OPN5: variants seen among roughly 807,000 people sequenced by gnomAD.
OPN5 encodes opsin-5.
In OPN5, 18 loss-of-function variants were observed where a neutral mutation model predicts 41.7. That is an observed-to-expected ratio of 0.43 (90% confidence interval 0.30 to 0.64). The LOEUF is 0.64. OPN5 is among the 30% of genes least tolerant of loss of function. The pLI is 0.13. For synonymous variants in OPN5, 178 were observed against 164.3 expected, an observed-to-expected ratio of 1.08 and a Z score of -0.64; for missense variants, 318 against 434.5, an observed-to-expected ratio of 0.73 and a Z score of 2.38.
chr6:47,785,855 G>C (rs1448631984), intron 1 of OPN5, among the ~76,000 whole-genome samples: 1 of 152,200 alleles, frequency 6.6e-6, no homozygotes, highest in African/African-American at 2.4e-5. Context: ...TGGTGGGAGG[G>C]ACAGTGCCCA....
chr6:47,785,025 A>G (rs919117114), intron 1 of OPN5, among the ~76,000 whole-genome samples: 20 of 152,342 alleles, frequency 1.3e-4, no homozygotes, highest in African/African-American at 4.1e-4. Context: ...TGCTTTGGGC[A>G]CTGGGTGAAA....
chr6:47,817,672 A>G (rs1762471951), intron 6 of OPN5, among the ~76,000 whole-genome samples: 1 of 152,126 alleles, frequency 6.6e-6, no homozygotes, highest in Non-Finnish European at 1.5e-5. Context: ...GATTAAGTCA[A>G]TGATTCTGTT....
intron 5 of OPN5, 52 bp downstream of exon 5, chr6:47,808,447 G>A (rs372167804): frequency 1.8e-5 from 29 of 1,602,732 alleles, no homozygotes; most frequent in African/African-American, 5.4e-5. Flanking sequence ...TTCAAAATCC[G>A]GCAGGGTTCA....
chr6:47,782,208 T>G lies in OPN5; in HGVS notation c.130+12T>G. On this transcript the variant is annotated intron_variant, in intron 1 of 6. Coordinates refer to ENST00000371211, the Ensembl canonical transcript of OPN5. ...CCTAACAATAATTGGTAAGCTTCCTTAATTCTTCTGTGCAAAGGCTGCATT... is the reference window on the plus strand; with the variant it reads ...CCTAACAATAATTGGTAAGCTTCCTGAATTCTTCTGTGCAAAGGCTGCATT... 6.2e-7 allele frequency: 1 copy of G among 1,612,084 alleles called. No homozygotes were observed. The highest frequency in any genetic ancestry group is 1.1e-5 in the South Asian group (1 of 90,994).
At chr6:47,795,388 T>C (rs775746941) in exon 4 of OPN5, 4 of 1,614,008 alleles carry the variant, frequency 2.5e-6, no homozygotes, top group East Asian at 4.5e-5. Flanking sequence ...CAGGCCTCGG[T>C]AGGGGGCCAG....
At chr6:47,805,309 G>T (rs911811275) in intron 4 of OPN5, among the ~76,000 whole-genome samples, 4 of 152,174 alleles carry the variant, frequency 2.6e-5, no homozygotes, top group East Asian at 1.9e-4. Flanking sequence ...GAGAATTTTG[G>T]CCAAGGACCG....
chr6:47,795,557 G>T, exon 4 of OPN5: 2 of 1,610,504 alleles, frequency 1.2e-6, no homozygotes, highest in South Asian at 2.2e-5. Flanking sequence ...AAATGAAACT[G>T]ACAAAGGTAA....
chr6:47,823,797 C>A lies in OPN5; in HGVS notation c.1057-186C>A, dbSNP rs78752830. On this transcript the variant is annotated intron_variant, in intron 6 of 6. Coordinates refer to ENST00000371211, the Ensembl canonical transcript of OPN5. ...TAGAACATCCAGGAAGGGAACAGGG[C>A]AGGATGCACCTGCAAAGAGGACTCT... is the stretch of plus-strand genomic sequence containing the variant. Among the ~76,000 whole-genome samples, 596 of 152,230 alleles carry A rather than the reference C, an allele frequency of 3.9e-3. 6 individuals are homozygous for A. The highest frequency in any genetic ancestry group is 0.013 in the African/African-American group (548 of 41,554).
intron 5 of OPN5, among the ~76,000 whole-genome samples, chr6:47,810,486 GT>G (rs1774149646): frequency 7.0e-6 from 1 of 142,972 alleles, no homozygotes; most frequent in South Asian, 2.1e-4. Flanking sequence ...TGTGAAGCTA[GT>G]TTAGAATTAT....
At chr6:47,803,426 C>A (rs1478399197) in intron 4 of OPN5, among the ~76,000 whole-genome samples, 4 of 152,164 alleles carry the variant, frequency 2.6e-5, no homozygotes, top group African/African-American at 7.2e-5. Flanking sequence ...AAAACAAAAT[C>A]TTGTCACCCG....
At chr6:47,819,400 A>ATATATATATATATATATATATATAT (rs1762535695) in intron 6 of OPN5, among the ~76,000 whole-genome samples, 3 of 131,774 alleles carry the variant, frequency 2.3e-5, no homozygotes, top group African/African-American at 5.4e-5. Flanking sequence ...ATATATATAT[A>ATATATATATATATATATATATATAT]AAACAGTATA....
At chr6:47,803,682 A>T (rs1773859590) in intron 4 of OPN5, among the ~76,000 whole-genome samples, 1 of 152,020 alleles carries the variant, frequency 6.6e-6, no homozygotes, top group African/African-American at 2.4e-5. Flanking sequence ...CTTCTAATCT[A>T]TTTTATTATT....
chr6:47,796,759 C>G (rs1773585003), intron 4 of OPN5, among the ~76,000 whole-genome samples: 2 of 152,166 alleles, frequency 1.3e-5, no homozygotes, highest in Admixed American at 6.5e-5. Flanking sequence ...TAATATGCCT[C>G]TCTCCAAATT....
chr6:47,804,318 A>G (rs1773880815), intron 4 of OPN5, among the ~76,000 whole-genome samples: 1 of 152,244 alleles, frequency 6.6e-6, no homozygotes, highest in African/African-American at 2.4e-5. Context: ...TAATTAAAAA[A>G]AAATAAACAA....
rs978387420 is a variant in OPN5, at chr6:47,809,696, A to G, written c.998+1301A>G. 2.0e-5 allele frequency among the ~76,000 whole-genome samples: 3 copies of G among 152,240 alleles called. No individual in the cohort carries two copies. In the East Asian group the frequency reaches 5.8e-4, roughly 29 times the overall value. On this transcript the variant is annotated intron_variant, in intron 5 of 6. Transcript: ENST00000371211. Reference sequence around the variant, plus strand: ...TGAAAAGATCTAAGGGACAATTGTTAGTAGTGCTTTCATATTTTTTGGTGG... The same window carrying G: ...TGAAAAGATCTAAGGGACAATTGTTGGTAGTGCTTTCATATTTTTTGGTGG...
intron 5 of OPN5, among the ~76,000 whole-genome samples, chr6:47,810,751 C>A (rs1774158380): frequency 6.6e-6 from 1 of 152,100 alleles, no homozygotes; most frequent in Non-Finnish European, 1.5e-5. Flanking sequence ...AGTTGGTGAA[C>A]CAAAGGAAAC....
intron 6 of OPN5, among the ~76,000 whole-genome samples, chr6:47,814,229 G>A (rs966565807): frequency 6.6e-6 from 1 of 151,810 alleles, no homozygotes; most frequent in Non-Finnish European, 1.5e-5. Context: ...AGATGGCGGT[G>A]GAGGTAAGAA....
At chr6:47,808,388 G>C (rs997476005) in exon 5 of OPN5, 3 of 1,614,006 alleles carry the variant, frequency 1.9e-6, no homozygotes. Context: ...GTCTCTGGAA[G>C]GCTTCAGGTA....
chr6:47,805,820 C>T (rs1280052275), intron 4 of OPN5, among the ~76,000 whole-genome samples: 1 of 152,104 alleles, frequency 6.6e-6, no homozygotes, highest in Admixed American at 6.6e-5. Context: ...TGTCATGACC[C>T]TGATGTTGGG....
Sources: gnomAD v4.1 joint callset for allele counts (sites outside exome capture counted in the v4.1 genomes callset) on GRCh38, gnomAD v4.1.1 for gene constraint, MANE v1.5 for transcripts, NCBI Gene and HGNC (gene_info 2026-07-23, HGNC 2026-07-21) for gene names.